VTN: variants seen among roughly 807,000 people sequenced by gnomAD.
The protein encoded by VTN is complement S-protein.
In VTN, 45 loss-of-function variants were observed where a neutral mutation model predicts 55.9. The ratio of observed to expected loss-of-function variants is 0.80; its 90% confidence interval spans 0.63 to 1.03. VTN has a LOEUF of 1.03. Among genes scored for constraint, VTN ranks in the 50% least tolerant of loss-of-function variants. The pLI is 0.00. For missense variants in VTN, 589 were observed against 638.2 expected (o/e 0.92, Z 0.83); for synonymous variants, 238 against 242.3 (o/e 0.98, Z 0.17).
intron 6 of VTN, among the ~76,000 whole-genome samples, 188 bp downstream of exon 6, chr17:28,368,333 C>A (rs2067924257): frequency 6.7e-6 from 1 of 149,310 alleles, no homozygotes; most frequent in Non-Finnish European, 1.5e-5. Flanking sequence ...TAGGCAAAGT[C>A]CAAGGTGTGG....
intron 6 of VTN, 53 bp downstream of exon 6, chr17:28,368,468 C>A: frequency 6.2e-7 from 1 of 1,603,614 alleles, no homozygotes; most frequent in Non-Finnish European, 8.5e-7. Flanking sequence ...CTACCAATAC[C>A]AAGGGGTTTC....
In VTN at chr17:28,369,803, TAGACC is replaced by T; in HGVS notation, c.228_232del (p.Val77Ter). The T allele has an allele frequency of 2.5e-6, 4 of 1,614,060 alleles. No homozygotes were observed. The highest frequency in any genetic ancestry group is 3.4e-6 in the Non-Finnish European group (4 of 1,179,996). On this transcript the variant is annotated frameshift_variant, in exon 3 of 8. Coordinates refer to ENST00000226218, the MANE Select transcript of VTN (RefSeq NM_000638.4). LOFTEE classifies it high-confidence loss of function. This position sits in a 1 kb window ranked among gnomAD's most constrained non-coding sequence, Gnocchi z 5.3. ...ATTGTTTTTCTCCTCGCCATCGTCA[TAGACC>T]GTGTACTCATCCTCCGGCATAGTGA...
rs781851388 is a variant in VTN at position 28,367,743 on chromosome 17, G to C, written c.1296C>G (p.Pro432=). ...CAGAGAAGAAGAAGACACTCTGGAT[G>C]GGTTCACAGGTGGCAGGCACAAGCC... ...MDWLVPATCE[P]IQSVFFFSGD... Residue 432 remains proline (P), a synonymous_variant, in exon 7 of 8, where the codon CCC becomes CCG. Transcript: ENST00000226218. The C allele has an allele frequency of 6.2e-7, 1 of 1,613,224 alleles. No individual in the cohort carries two copies. Among genetic ancestry groups the C allele is most frequent in the Non-Finnish European group, 8.5e-7 (1 of 1,179,528 alleles).
At position 28,369,488 on chromosome 17, in the gene VTN, G is replaced by A. The variant is rs782630613; in HGVS notation, c.529+19C>T. 1 of 1,597,346 alleles carries A rather than the reference G, an allele frequency of 6.3e-7. No homozygotes were observed. Among genetic ancestry groups the A allele is most frequent in the Non-Finnish European group, 8.5e-7 (1 of 1,172,580 alleles). ...CTCCTGGGGCAGACCCGCATCCCCA[G>A]TACCTGCCCTGGATTCACCTCGGAA... On this transcript the variant is annotated intron_variant, in intron 3 of 7. Coordinates refer to ENST00000226218, the MANE Select transcript of VTN (RefSeq NM_000638.4). This position sits in a 1 kb window ranked among gnomAD's most constrained non-coding sequence, Gnocchi z 5.3.
At chr17:28,367,650 T>C (rs781804227) in intron 7 of VTN, 65 bp downstream of exon 7, 211 of 1,536,366 alleles carry the variant, frequency 1.4e-4, no homozygotes, top group Non-Finnish European at 1.8e-4. Context: ...GTTCAGCCCT[T>C]GTGCACCAGG....
Position 28,367,444 on chromosome 17 carries a change from C to T in VTN, c.1362G>A (p.Val454=), listed in dbSNP as rs782612805. The T allele has an allele frequency of 6.2e-7, 1 of 1,613,416 alleles. No individual in the cohort carries two copies. The highest frequency in any genetic ancestry group is 2.2e-5 in the East Asian group (1 of 44,884). The part of the protein sequence containing the change: ...YYRVNLRTRR[V]DTVDPPYPRS... ...GTGGGTAGGGAGGGTCCACAGTGTC[C>T]ACTCGCCGTGTGCGAAGATTGACTC... The change falls in exon 8 of 8, where the codon GTG becomes GTA. Residue 454 remains valine (V), a synonymous_variant. Coordinates refer to ENST00000226218, the MANE Select transcript of VTN (RefSeq NM_000638.4).
At position 28,368,835 on chromosome 17, in the gene VTN, C is replaced by T; in HGVS notation, c.826+37G>A. ...AATGTGAAAGGAATCCAAGACTGCT[C>T]CACTGCCTGCTCAGTCTCCCACCAC... is the stretch of plus-strand genomic sequence containing the variant. On this transcript the variant is annotated intron_variant, in intron 5 of 7. Coordinates refer to ENST00000226218, the MANE Select transcript of VTN (RefSeq NM_000638.4). 3.1e-6 allele frequency: 5 copies of T among 1,613,126 alleles called. No homozygotes were observed. The East Asian group carries it at 6.7e-5, about 22-fold the overall frequency.
At position 28,367,864 on chromosome 17, in the gene VTN, T is replaced by G. The variant is rs1597810465; in HGVS notation, c.1175A>C (p.Asn392Thr). Reference sequence around the variant, plus strand: ...CGTGGCGCGGGATGGCCGGCGGGAGTTCTGGTTGCGGCCACGGCTGTGGCC... The same window carrying G: ...CGTGGCGCGGGATGGCCGGCGGGAGGTCTGGTTGCGGCCACGGCTGTGGCC... ...QRGHSRGRNQ[N>T]SRRPSRATWL... Residue 392 changes from asparagine to threonine, a missense_variant, in exon 7 of 8, where the codon AAC becomes ACC. Asn to Thr is a moderately conservative substitution (Grantham distance 65). Coordinates refer to ENST00000226218, the MANE Select transcript of VTN (RefSeq NM_000638.4). 3.7e-6 allele frequency: 6 copies of G among 1,613,530 alleles called. No individual in the cohort carries two copies. Among genetic ancestry groups the G allele is most frequent in the Non-Finnish European group, 5.1e-6 (6 of 1,179,904 alleles).
chr17:28,368,783 G>A (rs2142415436), intron 5 of VTN, 89 bp downstream of exon 5: 3 of 1,611,172 alleles, frequency 1.9e-6, no homozygotes, highest in Non-Finnish European at 1.7e-6. Flanking sequence ...TCAGGGGTGG[G>A]CACATGCTGA....
Position 28,369,415 on chromosome 17 carries a change from A to G in VTN, c.543T>C (p.Tyr181=), listed in dbSNP as rs782162432. ...SLFAFRGQYC[Y]ELDEKAVRPG... ...GCCTCACTGCCTTTTCGTCCAGTTC[A>G]TAGCAGTACTGCCCTAGAGTGGAGG... Residue 181 remains tyrosine (Y), a synonymous_variant, in exon 4 of 8, where the codon TAT becomes TAC. Coordinates refer to ENST00000226218, the MANE Select transcript of VTN (RefSeq NM_000638.4). The surrounding 1 kb of genome is among the most constrained non-coding windows in gnomAD (Gnocchi z 5.3). The G allele has an allele frequency of 3.1e-6, 5 of 1,598,016 alleles. No homozygotes were observed. The highest frequency in any genetic ancestry group is 1.7e-4 in the Middle Eastern group (1 of 6,030).
chr17:28,368,088 T>C, intron 6 of VTN, 29 bp from the exon 7 acceptor site: 1 of 1,529,390 alleles, frequency 6.5e-7, no homozygotes, highest in African/African-American at 1.4e-5. Context: ...GAATGAGAGG[T>C]CTTGGGGGTC....
At position 28,369,929 on chromosome 17, in the gene VTN, T is replaced by TG; in HGVS notation, c.181dup (p.Gln61ProfsTer14). 5 of 1,614,016 alleles carry TG rather than the reference T, an allele frequency of 3.1e-6. No homozygotes were observed. Among genetic ancestry groups the TG allele is most frequent in the Non-Finnish European group, 4.2e-6 (5 of 1,179,988 alleles). ...ACCCACCTGGGCTCTGAACACACCT[T>TG]GGGGCTTGCACTCAGCCGTATAGTC... On this transcript the variant is annotated frameshift_variant, in exon 2 of 8. Transcript: ENST00000226218. LOFTEE classifies it high-confidence loss of function. The surrounding 1 kb of genome is among the most constrained non-coding windows in gnomAD (Gnocchi z 5.3).
chr17:28,369,560 T>C lies in VTN; in HGVS notation c.476A>G (p.Lys159Arg). ...PPAEEELCSG[K>R]PFDAFTDLKN... Reference sequence around the variant, plus strand: ...GAGGTCGGTGAAGGCGTCGAAGGGCTTCCCACTGCACAGCTCCTCCTCTGC... The same window carrying C: ...GAGGTCGGTGAAGGCGTCGAAGGGCCTCCCACTGCACAGCTCCTCCTCTGC... Residue 159 changes from lysine to arginine, a missense_variant, in exon 3 of 8, where the codon AAG (lysine) becomes AGG (arginine). Transcript: ENST00000226218. The surrounding 1 kb of genome is among the most constrained non-coding windows in gnomAD (Gnocchi z 5.3). 1 of 1,612,186 alleles carries C rather than the reference T, an allele frequency of 6.2e-7. No homozygotes were observed. Among genetic ancestry groups the C allele is most frequent in the Non-Finnish European group, 8.5e-7 (1 of 1,179,964 alleles).
Position 28,367,735 on chromosome 17 carries a change from C to G in VTN, c.1304G>C (p.Ser435Thr). The change falls in exon 7 of 8, where the codon AGT (serine) becomes ACT (threonine). Residue 435 changes from serine to threonine, a missense_variant. Ser to Thr is a moderately conservative substitution (Grantham distance 58, BLOSUM62 1). Coordinates refer to ENST00000226218, the MANE Select transcript of VTN (RefSeq NM_000638.4). ...CCTACCTCCAGAGAAGAAGAAGACA[C>G]TCTGGATGGGTTCACAGGTGGCAGG... ...LVPATCEPIQ[S>T]VFFFSGDKYY... 1 of 1,612,842 alleles carries G rather than the reference C, an allele frequency of 6.2e-7. No homozygotes were observed. The highest frequency in any genetic ancestry group is 8.5e-7 in the Non-Finnish European group (1 of 1,179,286).
At position 28,367,993 on chromosome 17, in the gene VTN, G is replaced by T; in HGVS notation, c.1046C>A (p.Ala349Asp). The T allele has an allele frequency of 6.3e-7, 1 of 1,593,740 alleles. No individual in the cohort carries two copies. Among genetic ancestry groups the T allele is most frequent in the Non-Finnish European group, 8.5e-7 (1 of 1,170,086 alleles). Residue 349 changes from alanine to aspartate, a missense_variant, in exon 7 of 8, where the codon GCC (alanine) becomes GAC (aspartate). This residue lies in a region of VTN where 334 missense variants were observed against 328.2 expected (regional missense o/e 1.02). Transcript: ENST00000226218. ...TGAGATGTAGATGCGGCCAGCCATG[G>T]CTGCGTCCACTTGCCCTGGCACACC... ...WHGVPGQVDAAMAGRIYISGM... is the reference protein window; with the variant it reads ...WHGVPGQVDADMAGRIYISGM...
Position 28,370,155 on chromosome 17 carries a change from C to T in VTN, c.49G>A (p.Ala17Thr), listed in dbSNP as rs374015075. The change falls in exon 1 of 8, where the codon GCT becomes ACT. Residue 17 changes from alanine to threonine, a missense_variant. Ala to Thr is a moderately conservative substitution (Grantham distance 58). This residue lies in a region of VTN where 217 missense variants were observed against 241.3 expected (regional missense o/e 0.90). Coordinates refer to ENST00000226218, the MANE Select transcript of VTN (RefSeq NM_000638.4). ...TCCCCTGTACCTTGGTCAGCCAGAG[C>T]AACCCATGCCAGCAGGGCCAGTATG... ...LLILALLAWV[A>T]LADQESCKGR... The T allele has an allele frequency of 4.3e-6, 7 of 1,613,786 alleles. No individual in the cohort carries two copies. In the African/African-American group the frequency reaches 9.3e-5, roughly 22 times the overall value.
chr17:28,368,455 G>C, intron 6 of VTN, 66 bp downstream of exon 6: 1 of 1,589,554 alleles, frequency 6.3e-7, no homozygotes, highest in Non-Finnish European at 8.6e-7. Flanking sequence ...AGCCGGCCTG[G>C]CTCTACCAAT....
intron 6 of VTN, 35 bp from the exon 7 acceptor site, chr17:28,368,094 G>A (rs1361371723): frequency 6.6e-7 from 1 of 1,523,592 alleles, no homozygotes; most frequent in East Asian, 2.4e-5. Flanking sequence ...GAGGTCTTGG[G>A]GGTCCGAATC....
In VTN at chr17:28,368,687, T is replaced by C. The variant is rs2067928296; in HGVS notation, c.827-14A>G. 6.2e-7 allele frequency: 1 copy of C among 1,611,904 alleles called. No individual in the cohort carries two copies. The highest frequency in any genetic ancestry group is 1.1e-5 in the South Asian group (1 of 90,986). ...AGTACTGTTTCCCTGAGGAGCAGGG[T>C]GGTGGGCATTAGGAGGGCTGGGCCA... On this transcript the variant is annotated splice_polypyrimidine_tract_variant and intron_variant, in intron 5 of 7. Transcript: ENST00000226218.
Sources: gnomAD v4.1 joint callset for allele counts (sites outside exome capture counted in the v4.1 genomes callset) on GRCh38, gnomAD v4.1.1 for gene constraint, gnomAD v4.1.1 regional missense constraint, Gnocchi (gnomAD v3.1) non-coding constraint, MANE v1.5 for transcripts, NCBI Gene and HGNC (gene_info 2026-07-23, HGNC 2026-07-21) for gene names.